SIN3B: variants seen among roughly 807,000 people sequenced by gnomAD.
SIN3B encodes the protein SIN3 transcription regulator family member B, also known as paired amphipathic helix protein Sin3b.
A neutral mutation model predicts 120.2 loss-of-function variants in SIN3B; 19 were observed. That is an observed-to-expected ratio of 0.16 (90% CI 0.11 to 0.23). The LOEUF (loss-of-function observed/expected upper bound fraction) is 0.23. Among genes scored for constraint, SIN3B ranks in the 10% least tolerant of loss-of-function variants. The pLI is 1.00. For missense variants in SIN3B, 1,073 were observed against 1,573.0 expected (o/e 0.68, Z 5.38); for synonymous variants, 654 against 653.2 (o/e 1.00, Z -0.02).
intron 3 of SIN3B, among the ~76,000 whole-genome samples, chr19:16,832,680 T>G (rs1287608684): frequency 5.3e-5 from 8 of 151,924 alleles, no homozygotes; most frequent in Non-Finnish European, 1.2e-4. Flanking sequence ...TATTTATTTT[T>G]TTTGTAGCGA....
chr19:16,865,306 A>AT, intron 10 of SIN3B, 104 bp from the exon 11 acceptor site: 2 of 385,252 alleles, frequency 5.2e-6, no homozygotes, highest in East Asian at 5.0e-5. Context: ...AAATACACAC[A>AT]CCCCCCCCCC....
intron 8 of SIN3B, 23 bp downstream of exon 8, chr19:16,854,284 C>A: frequency 6.6e-7 from 1 of 1,513,758 alleles, no homozygotes; most frequent in Non-Finnish European, 9.1e-7. Flanking sequence ...CTTCCCAGGG[C>A]TCCCTAGGGG....
At chr19:16,831,418 C>T in intron 2 of SIN3B, 76 bp from the exon 3 acceptor site, 1 of 1,446,930 alleles carries the variant, frequency 6.9e-7, no homozygotes, top group Non-Finnish European at 9.5e-7. Flanking sequence ...GTGGCAGTAT[C>T]AAGGGAGTGG....
At position 16,860,438 on chromosome 19, in the gene SIN3B, C is replaced by T. The variant is rs968625473; in HGVS notation, c.1059-1914C>T. Among the ~76,000 whole-genome samples, 18 of 152,158 alleles carry T rather than the reference C, an allele frequency of 1.2e-4. No homozygotes were observed. The East Asian group carries it at 1.4e-3, about 11-fold the overall frequency. On this transcript the variant is annotated intron_variant, in intron 8 of 18. Coordinates refer to ENST00000248054, the MANE Select transcript of SIN3B (RefSeq NM_001297595.2). ...GTCTCTTTCCTTCCTACGTTTCCATCGGCTTGTGGGTTTTCCTTGTGAGCA... is the reference window on the plus strand; with the variant it reads ...GTCTCTTTCCTTCCTACGTTTCCATTGGCTTGTGGGTTTTCCTTGTGAGCA...
At chr19:16,851,248 C>T (rs929248210) in intron 5 of SIN3B, among the ~76,000 whole-genome samples, 164 bp from the exon 6 acceptor site, 1 of 152,270 alleles carries the variant, frequency 6.6e-6, no homozygotes, top group Non-Finnish European at 1.5e-5. Flanking sequence ...GGAATGTGAG[C>T]ATCTTGCTGG....
At chr19:16,852,997 C>T (rs1971565131) in intron 6 of SIN3B, 72 bp from the exon 7 acceptor site, 2 of 1,245,572 alleles carry the variant, frequency 1.6e-6, no homozygotes, top group Non-Finnish European at 2.3e-6. Context: ...CTTCTTGAGA[C>T]TCTGTGACAG....
At chr19:16,854,340 T>A (rs995797738) in intron 8 of SIN3B, 79 bp downstream of exon 8, 3 of 808,658 alleles carry the variant, frequency 3.7e-6, no homozygotes, top group Non-Finnish European at 6.0e-6. Context: ...TAGTTACTGT[T>A]TTTGAGCAAT....
Position 16,865,520 on chromosome 19 carries a change from C to T in SIN3B, c.1494C>T (p.Asp498=). The T allele has an allele frequency of 6.2e-7, 1 of 1,613,806 alleles. No homozygotes were observed. The highest frequency in any genetic ancestry group is 8.5e-7 in the Non-Finnish European group (1 of 1,179,818). ...PEDQEKFRLD[D]SLGGTSEVIQ... ...ACCAGGAGAAGTTCCGGCTGGACGACTCCCTGGGAGGCACGTCGGAGGTGA... is the reference window on the plus strand; with the variant it reads ...ACCAGGAGAAGTTCCGGCTGGACGATTCCCTGGGAGGCACGTCGGAGGTGA... Residue 498 remains aspartate, a synonymous_variant, in exon 11 of 19, where the codon GAC becomes GAT. Coordinates refer to ENST00000248054, the MANE Select transcript of SIN3B (RefSeq NM_001297595.2).
In SIN3B at chr19:16,861,955, A is replaced by T. The variant is rs577802672; in HGVS notation, c.1059-397A>T. On this transcript the variant is annotated intron_variant, in intron 8 of 18. Transcript: ENST00000248054. ...ATCTCTAAAAAGAAAATACCAAACCAAACAAAACACAGGCAGTGTGCAGAC... is the reference window on the plus strand; with the variant it reads ...ATCTCTAAAAAGAAAATACCAAACCTAACAAAACACAGGCAGTGTGCAGAC... 9.2e-5 allele frequency among the ~76,000 whole-genome samples: 14 copies of T among 152,194 alleles called. No homozygotes were observed. In the South Asian group the frequency reaches 2.9e-3, roughly 32 times the overall value.
At chr19:16,869,419 C>T (rs767283809) in intron 12 of SIN3B, 41 bp from the exon 13 acceptor site, 14 of 1,552,758 alleles carry the variant, frequency 9.0e-6, no homozygotes, top group East Asian at 7.0e-5. Context: ...CCTCTGGGTG[C>T]TGGGTGGCTT....
chr19:16,833,053 A>T (rs1281904049), intron 3 of SIN3B, among the ~76,000 whole-genome samples: 3 of 152,158 alleles, frequency 2.0e-5, no homozygotes, highest in Non-Finnish European at 4.4e-5. Context: ...AAATGTCTCC[A>T]GACATTGCCA....
In SIN3B at chr19:16,869,953, A is replaced by G. The variant is rs933602338; in HGVS notation, c.2300A>G (p.Tyr767Cys). 2 of 1,614,130 alleles carry G rather than the reference A, an allele frequency of 1.2e-6. No individual in the cohort carries two copies. The highest frequency in any genetic ancestry group is 1.7e-6 in the Non-Finnish European group (2 of 1,180,036). ...QTLCSRLLKI[Y>C]RQAQKQLLEY... ...CTGTGCTCCAGGCTGCTGAAGATCT[A>G]CCGCCAGGCGCAGAAGCAGCTTCTG... The change falls in exon 13 of 19, where the codon TAC (tyrosine) becomes TGC (cysteine). Residue 767 changes from tyrosine to cysteine, a missense_variant. Coordinates refer to ENST00000248054, the MANE Select transcript of SIN3B (RefSeq NM_001297595.2).
intron 14 of SIN3B, among the ~76,000 whole-genome samples, chr19:16,874,920 T>A (rs2051568762): frequency 6.6e-6 from 1 of 150,954 alleles, no homozygotes; most frequent in Admixed American, 6.6e-5. Context: ...CTGGTCTAGT[T>A]TGGTTGGTTT....
Position 16,879,651 on chromosome 19 carries a change from T to C in SIN3B, c.*924T>C, listed in dbSNP as rs1012458539. 5.3e-5 allele frequency: 8 copies of C among 152,208 alleles called. No individual in the cohort carries two copies. The highest frequency in any genetic ancestry group is 2.0e-4 in the Admixed American group (3 of 15,270). 9.4% of individuals were successfully genotyped at this position (152,208 alleles called of 1,614,324 possible). A position where few individuals can be genotyped will look rare whatever the true frequency, so the allele number is the denominator to read the frequency against. On this transcript the variant is annotated 3_prime_UTR_variant, in exon 19 of 19. Coordinates refer to ENST00000248054, the MANE Select transcript of SIN3B (RefSeq NM_001297595.2). ...GGAACTCCGAGAGCCGCCCTGACAG[T>C]CCCAGCCGCCACCCAAGGAGCCCCA...
intron 14 of SIN3B, among the ~76,000 whole-genome samples, chr19:16,873,079 T>C (rs1481637731): frequency 6.6e-6 from 1 of 151,794 alleles, no homozygotes; most frequent in Non-Finnish European, 1.5e-5. Flanking sequence ...GCACTCTGTG[T>C]CCTCCCTGGG....
At chr19:16,859,923 C>T (rs773225646) in intron 8 of SIN3B, among the ~76,000 whole-genome samples, 4 of 152,122 alleles carry the variant, frequency 2.6e-5, no homozygotes, top group African/African-American at 7.2e-5. Flanking sequence ...ACTAGCCAAG[C>T]GAGCCTCAGT....
At position 16,854,128 on chromosome 19, in the gene SIN3B, C is replaced by T. The variant is rs1479408526; in HGVS notation, c.940-15C>T. The T allele has an allele frequency of 1.2e-6, 2 of 1,601,248 alleles. No individual in the cohort carries two copies. The highest frequency in any genetic ancestry group is 1.7e-6 in the Non-Finnish European group (2 of 1,171,354). ...AGCAGGGGTTCACAGTGGTCCCTGA[C>T]TGCTCTCTCTGCAGGTCCGCCGGGT... On this transcript the variant is annotated splice_polypyrimidine_tract_variant and intron_variant, in intron 7 of 18. Transcript: ENST00000248054.
chr19:16,846,388 G>A (rs1971478916), intron 4 of SIN3B: 2 of 152,222 alleles, frequency 1.3e-5, no homozygotes, highest in Non-Finnish European at 2.9e-5. Context: ...ATATTATCCG[G>A]GAGGCTCCGG....
chr19:16,871,122 G>C, intron 13 of SIN3B, 107 bp from the exon 14 acceptor site: 4 of 1,410,782 alleles, frequency 2.8e-6, no homozygotes, highest in Non-Finnish European at 4.0e-6. Flanking sequence ...GGTGAGGGCT[G>C]TTGGGCCCCA....
Sources: gnomAD v4.1 joint callset for allele counts (sites outside exome capture counted in the v4.1 genomes callset) on GRCh38, gnomAD v4.1.1 for gene constraint, MANE v1.5 for transcripts, NCBI Gene and HGNC (gene_info 2026-07-23, HGNC 2026-07-21) for gene names.